BABAM2: variants seen among roughly 807,000 people sequenced by gnomAD.
BABAM2 encodes BRISC and BRCA1 A complex member 2, also known as BRISC and BRCA1-A complex member 2.
In BABAM2, 31 loss-of-function variants were observed where a neutral mutation model predicts 54.7. The ratio of observed to expected loss-of-function variants is 0.57; its 90% CI spans 0.43 to 0.77. BABAM2 has a LOEUF of 0.77. Ranked by LOEUF, BABAM2 falls within the 30% of genes least tolerant of loss-of-function variation. The probability of loss-of-function intolerance (pLI) is 0.00; values close to 1 mark genes in which losing one functional copy is unlikely to be tolerated. For synonymous variants in BABAM2, 167 were observed against 162.9 expected (o/e 1.03, Z -0.19); for missense variants, 364 against 455.8 (o/e 0.80, Z 1.83).
At chr2:28,003,545 G>A (rs1038729656) in intron 4 of BABAM2, among the ~76,000 whole-genome samples, 1 of 152,056 alleles carries the variant, frequency 6.6e-6, no homozygotes, top group Non-Finnish European at 1.5e-5. Context: ...AGCTGAGATT[G>A]TACCACAGCA....
chr2:28,291,586 C>T (rs1687285968), intron 10 of BABAM2, among the ~76,000 whole-genome samples: 1 of 151,172 alleles, frequency 6.6e-6, no homozygotes, highest in Non-Finnish European at 1.5e-5. Flanking sequence ...AAGAGTGAAA[C>T]TCCGTCTCCA....
chr2:28,321,413 A>G (rs1024326799), intron 11 of BABAM2, among the ~76,000 whole-genome samples: 2 of 152,166 alleles, frequency 1.3e-5, no homozygotes, highest in Non-Finnish European at 2.9e-5. Flanking sequence ...TCCATCTCTA[A>G]CCCATGTTTC....
At position 27,989,546 on chromosome 2, in the gene BABAM2, A is replaced by T. The variant is rs139046670; in HGVS notation, c.300+1459A>T. Among the ~76,000 whole-genome samples the T allele has an allele frequency of 6.3e-3, 957 of 152,312 alleles. 7 individuals carry two copies. Among genetic ancestry groups the T allele is most frequent in the Non-Finnish European group, 7.8e-3 (532 of 68,022 alleles). ...GTAAGTCAATATAAGGAAGGGATCAACAAGGTTAGAAAGGTAAATTGGGAG... is the reference window on the plus strand; with the variant it reads ...GTAAGTCAATATAAGGAAGGGATCATCAAGGTTAGAAAGGTAAATTGGGAG... On this transcript the variant is annotated intron_variant, in intron 4 of 11. Coordinates refer to ENST00000379624, the MANE Select transcript of BABAM2 (RefSeq NM_199191.3).
upstream of BABAM2, among the ~76,000 whole-genome samples, chr2:27,889,648 CTG>C (rs2148239627): frequency 6.6e-6 from 1 of 152,300 alleles, no homozygotes; most frequent in Admixed American, 6.5e-5. Context: ...GTTGTAAATA[CTG>C]TGTTTATGTT....
intron 2 of BABAM2, among the ~76,000 whole-genome samples, chr2:27,909,582 C>A (rs79891133): frequency 0.013 from 1,942 of 152,200 alleles, 23 homozygotes; most frequent in Non-Finnish European, 0.02. Flanking sequence ...TGAGGTACTT[C>A]TTGTATGTTC....
chr2:28,201,034 G>A (rs1405937267), intron 7 of BABAM2, among the ~76,000 whole-genome samples: 1 of 152,160 alleles, frequency 6.6e-6, no homozygotes, highest in Non-Finnish European at 1.5e-5. Context: ...GCCTCCCAAA[G>A]TGCTCAGTTT....
At chr2:28,145,583 T>C (rs1016360495) in intron 7 of BABAM2, among the ~76,000 whole-genome samples, 1 of 152,240 alleles carries the variant, frequency 6.6e-6, no homozygotes, top group Non-Finnish European at 1.5e-5. Flanking sequence ...TTTATTGAGC[T>C]ATAATTCCTG....
rs1669839497 is a variant in BABAM2, at chr2:28,129,387, G to C, written c.680+7G>C. 6.2e-7 allele frequency: 1 copy of C among 1,605,186 alleles called. No individual in the cohort carries two copies. Among genetic ancestry groups the C allele is most frequent in the Non-Finnish European group, 8.5e-7 (1 of 1,171,982 alleles). ...TGTCACCTCGAATTGAGCAGTAAGTGTCATTAACATGAGGTAGCCTGGTGC... is the reference window on the plus strand; with the variant it reads ...TGTCACCTCGAATTGAGCAGTAAGTCTCATTAACATGAGGTAGCCTGGTGC... On this transcript the variant is annotated splice_region_variant and intron_variant, in intron 7 of 11. Transcript: ENST00000379624.
At chr2:28,129,951 A>G (rs1219952475) in intron 7 of BABAM2, among the ~76,000 whole-genome samples, 1 of 152,256 alleles carries the variant, frequency 6.6e-6, no homozygotes, top group African/African-American at 2.4e-5. Context: ...GTTATAACCA[A>G]GTAACATTAT....
At chr2:27,933,843 C>T (rs1273243582) in intron 3 of BABAM2, among the ~76,000 whole-genome samples, 1 of 137,102 alleles carries the variant, frequency 7.3e-6, no homozygotes, top group African/African-American at 2.8e-5. Context: ...CTCAAGTGTT[C>T]TTCCTGCGTC....
chr2:28,157,834 C>T (rs1205174372), intron 7 of BABAM2, among the ~76,000 whole-genome samples: 2 of 152,118 alleles, frequency 1.3e-5, no homozygotes, highest in Admixed American at 6.5e-5. Flanking sequence ...TGGTCTCAAC[C>T]TCCTGACCTC....
At chr2:28,294,822 A>G (rs1256396328) in intron 10 of BABAM2, among the ~76,000 whole-genome samples, 1 of 152,218 alleles carries the variant, frequency 6.6e-6, no homozygotes, top group African/African-American at 2.4e-5. Context: ...CTCATATGTG[A>G]ATTGCCAGTT....
chr2:27,972,481 C>G (rs531131555), intron 3 of BABAM2, among the ~76,000 whole-genome samples: 4 of 152,044 alleles, frequency 2.6e-5, no homozygotes, highest in Non-Finnish European at 4.4e-5. Flanking sequence ...CCCTTCATTC[C>G]CTTTGTTTCC....
intron 7 of BABAM2, among the ~76,000 whole-genome samples, chr2:28,190,987 G>A (rs1676842304): frequency 6.6e-6 from 1 of 152,098 alleles, no homozygotes; most frequent in Non-Finnish European, 1.5e-5. Flanking sequence ...CAAAATATTT[G>A]CTCTTCAAGG....
chr2:28,282,127 G>A (rs1341872285), intron 10 of BABAM2, among the ~76,000 whole-genome samples: 1 of 152,152 alleles, frequency 6.6e-6, no homozygotes, highest in African/African-American at 2.4e-5. Context: ...CAGTGTTGTG[G>A]AAACCATGGG....
intron 3 of BABAM2, among the ~76,000 whole-genome samples, chr2:27,980,255 T>C (rs1419834109): frequency 1.3e-5 from 2 of 152,196 alleles, no homozygotes; most frequent in Non-Finnish European, 2.9e-5. Context: ...TTATGAAAAG[T>C]TGGAGTAAGC....
chr2:27,981,571 A>G (rs1672003415), intron 3 of BABAM2, among the ~76,000 whole-genome samples: 2 of 152,150 alleles, frequency 1.3e-5, no homozygotes, highest in Non-Finnish European at 2.9e-5. Context: ...GAATTTTCAT[A>G]TTCTAGACAT....
At chr2:28,190,308 TTGAG>T (rs1342172119) in intron 7 of BABAM2, among the ~76,000 whole-genome samples, 1 of 152,204 alleles carries the variant, frequency 6.6e-6, no homozygotes, top group Non-Finnish European at 1.5e-5. Context: ...CACCGGCAGA[TTGAG>T]TGTCTGATGA....
At chr2:28,105,993 A>G (rs1401920154) in intron 6 of BABAM2, among the ~76,000 whole-genome samples, 14 of 151,830 alleles carry the variant, frequency 9.2e-5, no homozygotes, top group Non-Finnish European at 4.4e-5. Flanking sequence ...AAAATTTCAA[A>G]CGATCTCAAA....
Sources: gnomAD v4.1 joint callset for allele counts (sites outside exome capture counted in the v4.1 genomes callset) on GRCh38, gnomAD v4.1.1 for gene constraint, MANE v1.5 for transcripts, NCBI Gene and HGNC (gene_info 2026-07-23, HGNC 2026-07-21) for gene names.